The following DSCAM variants were observed in gnomAD, a reference collection of about 807,000 sequenced individuals.
The protein encoded by DSCAM is cell adhesion molecule DSCAM.
In DSCAM, 47 loss-of-function variants were observed where a neutral mutation model predicts 217.7. The ratio of observed to expected loss-of-function variants is 0.22; its 90% CI spans 0.17 to 0.28. The LOEUF is 0.28. DSCAM is among the 10% of genes least tolerant of loss of function. DSCAM has a pLI of 1.00. For missense variants in DSCAM, 2,080 were observed against 2,618.3 expected (o/e 0.79, Z 4.49); for synonymous variants, 1,056 against 1,015.3 (o/e 1.04, Z -0.76).
At chr21:40,465,554 G>A (rs181482519) in intron 3 of DSCAM, among the ~76,000 whole-genome samples, 194 of 152,284 alleles carry the variant, frequency 1.3e-3, no homozygotes, top group African/African-American at 4.0e-3. Flanking sequence ...TTTAGAGCAC[G>A]CATGTCCCAC....
chr21:40,540,459 C>A (rs910729219), intron 3 of DSCAM, among the ~76,000 whole-genome samples: 8 of 152,122 alleles, frequency 5.3e-5, no homozygotes, highest in Admixed American at 5.2e-4. Flanking sequence ...CCTCACACTG[C>A]GCTGTGAATC....
At chr21:40,072,071 G>T (rs2089299358) in intron 27 of DSCAM, among the ~76,000 whole-genome samples, 1 of 152,142 alleles carries the variant, frequency 6.6e-6, no homozygotes, top group Non-Finnish European at 1.5e-5. Flanking sequence ...TGCAAGCCTT[G>T]ACCCACTGCC....
At chr21:40,638,860 A>G (rs1009811253) in intron 3 of DSCAM, among the ~76,000 whole-genome samples, 4 of 151,960 alleles carry the variant, frequency 2.6e-5, no homozygotes, top group African/African-American at 9.7e-5. Flanking sequence ...AGGCTAGGAA[A>G]ATATGAAAAA....
intron 3 of DSCAM, among the ~76,000 whole-genome samples, chr21:40,588,710 C>T (rs908671258): frequency 9.9e-5 from 15 of 151,312 alleles, no homozygotes; most frequent in Non-Finnish European, 5.9e-5. Flanking sequence ...ATGACCTAGA[C>T]GAAAGAAAAA....
chr21:40,103,944 TAA>T (rs2089785908), intron 20 of DSCAM, among the ~76,000 whole-genome samples: 1 of 151,998 alleles, frequency 6.6e-6, no homozygotes. Context: ...CTTCCAAATA[TAA>T]AAGTTATTGC....
chr21:40,409,540 C>T lies in DSCAM; in HGVS notation c.509-40295G>A, dbSNP rs2142080. 4.0e-4 allele frequency among the ~76,000 whole-genome samples: 61 copies of T among 152,280 alleles called. No individual in the cohort carries two copies. The South Asian group carries it at 6.6e-3, about 17-fold the overall frequency. On this transcript the variant is annotated intron_variant, in intron 3 of 32. Transcript: ENST00000400454. ...AATCCTAGTGAGAGGTGGACAGATC[C>T]TGAGTTTTACAGAGGGCCCACCCCT...
At chr21:40,766,678 AAAAAAAAAAAC>A (rs1471841855) in intron 1 of DSCAM, among the ~76,000 whole-genome samples, 2 of 121,564 alleles carry the variant, frequency 1.6e-5, no homozygotes, top group Non-Finnish European at 3.2e-5. Context: ...CCAAAAAAAA[AAAAAAAAAAAC>A]AACTTTTTTT....
intron 3 of DSCAM, among the ~76,000 whole-genome samples, chr21:40,399,269 C>CACAAAACAAAACAAAACAAA (rs74879612): frequency 3.3e-5 from 5 of 150,308 alleles, no homozygotes; most frequent in South Asian, 4.3e-4. Context: ...GACCCTGTCT[C>CACAAAACAAAACAAAACAAA]ACAAAACAAA....
intron 1 of DSCAM, among the ~76,000 whole-genome samples, chr21:40,767,266 T>G (rs1223849003): frequency 6.6e-6 from 1 of 151,964 alleles, no homozygotes; most frequent in Admixed American, 6.6e-5. Flanking sequence ...AGGTAGTGGG[T>G]CTCACATGAA....
chr21:40,777,125 G>A (rs1186813265), intron 1 of DSCAM, among the ~76,000 whole-genome samples: 3 of 152,192 alleles, frequency 2.0e-5, no homozygotes, highest in South Asian at 4.1e-4. Flanking sequence ...AGTGTCTGGT[G>A]AGGGTTCATT....
intron 23 of DSCAM, 53 bp downstream of exon 23, chr21:40,085,549 T>C (rs2089520865): frequency 7.2e-7 from 1 of 1,385,714 alleles, no homozygotes. Flanking sequence ...ACTTTTTGCA[T>C]AGAAAGCATA....
At chr21:40,123,782 G>C (rs1485146337) in intron 20 of DSCAM, among the ~76,000 whole-genome samples, 1 of 148,346 alleles carries the variant, frequency 6.7e-6, no homozygotes, top group Admixed American at 6.7e-5. Flanking sequence ...TGGGAGGGAA[G>C]GAAGGAGGGA....
At chr21:40,441,758 A>C (rs570528805) in intron 3 of DSCAM, among the ~76,000 whole-genome samples, 2 of 152,120 alleles carry the variant, frequency 1.3e-5, no homozygotes, top group African/African-American at 4.8e-5. Context: ...TTCTTAGCTC[A>C]CTGGGCTTCT....
intron 3 of DSCAM, among the ~76,000 whole-genome samples, chr21:40,673,568 G>A (rs1601839264): frequency 6.6e-6 from 1 of 152,008 alleles, no homozygotes; most frequent in African/African-American, 2.4e-5. Flanking sequence ...GGTATGGCTT[G>A]GATCTGTGTC....
chr21:40,568,378 C>T (rs2076781273), intron 3 of DSCAM, among the ~76,000 whole-genome samples: 1 of 152,078 alleles, frequency 6.6e-6, no homozygotes. Flanking sequence ...TTAATCATTT[C>T]CAATATTCTG....
intron 3 of DSCAM, among the ~76,000 whole-genome samples, chr21:40,411,175 T>TATAC: frequency 2.2e-5 from 1 of 45,138 alleles, no homozygotes; most frequent in East Asian, 6.2e-4. Flanking sequence ...AGTAATTATA[T>TATAC]ACACACACAC....
At chr21:40,785,623 G>A (rs1232743078) in intron 1 of DSCAM, among the ~76,000 whole-genome samples, 1 of 152,210 alleles carries the variant, frequency 6.6e-6, no homozygotes, top group East Asian at 1.9e-4. Flanking sequence ...GCCAACCTCT[G>A]GGATGTGGCA....
chr21:40,711,107 C>T (rs371705590), intron 1 of DSCAM, among the ~76,000 whole-genome samples: 11 of 152,258 alleles, frequency 7.2e-5, no homozygotes, highest in African/African-American at 2.4e-4. Context: ...CTGATGAAGG[C>T]TTTTGAGATT....
At chr21:40,556,714 G>A (rs1300082083) in intron 3 of DSCAM, among the ~76,000 whole-genome samples, 1 of 152,068 alleles carries the variant, frequency 6.6e-6, no homozygotes, top group Non-Finnish European at 1.5e-5. Context: ...GGAGCTCACA[G>A]AGTGAGAACT....
Sources: gnomAD v4.1 joint callset for allele counts (sites outside exome capture counted in the v4.1 genomes callset) on GRCh38, gnomAD v4.1.1 for gene constraint, MANE v1.5 for transcripts, NCBI Gene and HGNC (gene_info 2026-07-23, HGNC 2026-07-21) for gene names.